WDCP: variants seen among roughly 807,000 people sequenced by gnomAD.
WDCP encodes WD repeat and coiled-coil-containing protein.
WDCP carries 19 observed loss-of-function variants against 41.6 expected under a neutral mutation model. The ratio of observed to expected loss-of-function variants is 0.46; its 90% CI spans 0.32 to 0.67. The LOEUF (loss-of-function observed/expected upper bound fraction) is 0.67, where lower values mean the gene tolerates loss of function less well. Ranked by LOEUF, WDCP falls within the 30% of genes least tolerant of loss-of-function variation. The pLI, the probability that WDCP is intolerant of heterozygous loss-of-function variation, is 0.04. For synonymous variants in WDCP, 302 were observed against 320.8 expected, an observed-to-expected ratio of 0.94 and a Z score of 0.63; for missense variants, 802 against 850.7, an observed-to-expected ratio of 0.94 and a Z score of 0.71.
intron 1 of WDCP, among the ~76,000 whole-genome samples, chr2:24,044,282 G>C (rs527258117): frequency 1.7e-4 from 26 of 151,734 alleles, no homozygotes; most frequent in African/African-American, 4.8e-4. Flanking sequence ...TTTTGGGGGG[G>C]GCGTGGGGGC....
chr2:24,037,104 T>A (rs908309715), intron 2 of WDCP, among the ~76,000 whole-genome samples: 1 of 152,246 alleles, frequency 6.6e-6, no homozygotes, highest in Non-Finnish European at 1.5e-5. Context: ...CTCGGCTCAC[T>A]GAAACCTGTG....
rs1006347885 is a variant in WDCP at position 24,038,602 on chromosome 2, T to C, written c.893A>G (p.Asn298Ser). The change falls in exon 2 of 4, where the codon AAT becomes AGT. Residue 298 changes from asparagine (N) to serine (S), a missense_variant. By Grantham distance (46) the Asn-to-Ser change is conservative. Around this residue, in one of 5 missense-constraint regions of WDCP, gnomAD observed 247 missense variants for 240.5 expected, o/e 1.03. Transcript: ENST00000295148. ...IHFNQHKSEG[N>S]SLICLRKKDY... Reference sequence around the variant, plus strand: ...CTTTTTTCTTAGACAAATAAGAGAATTACCCTCAGACTTATGTTGATTGAA... The same window carrying C: ...CTTTTTTCTTAGACAAATAAGAGAACTACCCTCAGACTTATGTTGATTGAA... The C allele has an allele frequency of 5.6e-6, 9 of 1,614,044 alleles. No homozygotes were observed. Among genetic ancestry groups the C allele is most frequent in the Non-Finnish European group, 6.8e-6 (8 of 1,179,946 alleles).
intron 1 of WDCP, among the ~76,000 whole-genome samples, chr2:24,045,341 C>T (rs756178195): frequency 1.3e-5 from 2 of 152,160 alleles, no homozygotes; most frequent in Admixed American, 1.3e-4. Context: ...GTGCCTCATG[C>T]CTGTAATCCC....
rs1391820318 is a variant in WDCP at position 24,036,684 on chromosome 2, G to A, written c.1818+993C>T. 2.0e-5 allele frequency among the ~76,000 whole-genome samples: 3 copies of A among 152,194 alleles called. No homozygotes were observed. The East Asian group carries it at 5.8e-4, about 29-fold the overall frequency. ...GCTAAAAACTAAAAACAAAGTGAAT[G>A]TCAATCAACAAGGGAATGGCTAAAT... On this transcript the variant is annotated intron_variant, in intron 2 of 3. Coordinates refer to ENST00000295148, the MANE Select transcript of WDCP (RefSeq NM_025203.3).
Position 24,039,408 on chromosome 2 carries a change from G to A in WDCP, c.87C>T (p.Thr29=), listed in dbSNP as rs146251104. The part of the protein sequence containing the change: ...AVHPIHGLAW[T]DGNQVVLTDL... The stretch of plus-strand genomic sequence containing the variant: ...CAGTTAGGACAACTTGATTCCCATC[G>A]GTCCAGGCAAGGCCATGGATCGGAT... The change falls in exon 2 of 4, where the codon ACC becomes ACT. Residue 29 remains threonine (T), a synonymous_variant. Coordinates refer to ENST00000295148, the MANE Select transcript of WDCP (RefSeq NM_025203.3). 4 of 1,614,254 alleles carry A rather than the reference G, an allele frequency of 2.5e-6. No homozygotes were observed. Among genetic ancestry groups the A allele is most frequent in the East Asian group, 2.2e-5 (1 of 44,896 alleles).
Position 24,037,877 on chromosome 2 carries a change from G to A in WDCP, c.1618C>T (p.Pro540Ser). The change falls in exon 2 of 4, where the codon CCT (proline) becomes TCT (serine). Residue 540 changes from proline to serine, a missense_variant. Physicochemically the swap from Pro to Ser is moderately conservative, Grantham distance 74. Coordinates refer to ENST00000295148, the MANE Select transcript of WDCP (RefSeq NM_025203.3). ...AAGTTCTTTCTTTGAGGCAAACGAG[G>A]AGGCTCCAGTGTGCTGGTGTGGTCT... ...TPDHTSTLEPPRLPQRKNLQS... is the reference protein window; with the variant it reads ...TPDHTSTLEPSRLPQRKNLQS... 6.2e-7 allele frequency: 1 copy of A among 1,614,156 alleles called. No homozygotes were observed. The highest frequency in any genetic ancestry group is 8.5e-7 in the Non-Finnish European group (1 of 1,180,036).
chr2:24,044,817 TA>T lies in WDCP; in HGVS notation c.-19+2496del, dbSNP rs747340836. ...ATGTGTTGTTGGGCAGAATTATCTTTAAAAAAAAAAAAAAAAAAAAAAAAGC... is the reference window on the plus strand; with the variant it reads ...ATGTGTTGTTGGGCAGAATTATCTTTAAAAAAAAAAAAAAAAAAAAAAAGC... On this transcript the variant is annotated intron_variant, in intron 1 of 3. Transcript: ENST00000295148. Among the ~76,000 whole-genome samples the T allele has an allele frequency of 0.012, 1,278 of 103,912 alleles. 31 individuals are homozygous for T. The East Asian group carries it at 0.16, about 13-fold the overall frequency. 68.2% of individuals were successfully genotyped at this position (103,912 alleles called of 152,430 possible).
chr2:24,037,494 A>G (rs909112346), intron 2 of WDCP, among the ~76,000 whole-genome samples, 183 bp downstream of exon 2: 19 of 152,234 alleles, frequency 1.2e-4, no homozygotes, highest in African/African-American at 4.6e-4. Flanking sequence ...ATGTGCGCCT[A>G]TCTGGTTGGC....
At chr2:24,044,418 C>A (rs1237722304) in intron 1 of WDCP, among the ~76,000 whole-genome samples, 1 of 152,066 alleles carries the variant, frequency 6.6e-6, no homozygotes, top group Non-Finnish European at 1.5e-5. Flanking sequence ...AGGGGCCCAC[C>A]ACCATGCCCA....
At chr2:24,040,805 T>C (rs781184601) in intron 1 of WDCP, among the ~76,000 whole-genome samples, 6 of 152,008 alleles carry the variant, frequency 3.9e-5, no homozygotes, top group Non-Finnish European at 8.8e-5. Context: ...TCACCTGAGG[T>C]TGGGAGTTCG....
Position 24,037,922 on chromosome 2 carries a change from G to A in WDCP, c.1573C>T (p.Pro525Ser), listed in dbSNP as rs1353387236. ...AEPVTQPASL[P>S]RHSSTPDHTS... ...TGGTCTGGTGTGCTGCTGTGTCTGGGCAGCGATGCTGGCTGGGTAACAGGC... is the reference window on the plus strand; with the variant it reads ...TGGTCTGGTGTGCTGCTGTGTCTGGACAGCGATGCTGGCTGGGTAACAGGC... Residue 525 changes from proline to serine, a missense_variant, in exon 2 of 4, where the codon CCC becomes TCC. Physicochemically the swap from Pro to Ser is moderately conservative, Grantham distance 74. This residue lies in a region of WDCP where 321 missense variants were observed against 305.1 expected (regional missense o/e 1.05). Coordinates refer to ENST00000295148, the MANE Select transcript of WDCP (RefSeq NM_025203.3). 2 of 1,614,138 alleles carry A rather than the reference G, an allele frequency of 1.2e-6. No homozygotes were observed. Among genetic ancestry groups the A allele is most frequent in the East Asian group, 2.2e-5 (1 of 44,886 alleles).
chr2:24,046,533 C>T (rs534941734), intron 1 of WDCP, among the ~76,000 whole-genome samples: 1 of 152,292 alleles, frequency 6.6e-6, no homozygotes, highest in South Asian at 2.1e-4. Flanking sequence ...CAGTATATAA[C>T]CATTTAATTC....
Position 24,038,849 on chromosome 2 carries a change from G to GT in WDCP, c.645dup (p.Gln216ThrfsTer7). 2 of 1,614,218 alleles carry GT rather than the reference G, an allele frequency of 1.2e-6. No homozygotes were observed. The highest frequency in any genetic ancestry group is 2.2e-5 in the South Asian group (2 of 91,088). Reference sequence around the variant, plus strand: ...GGAAGCTCAGTAGCTATAGCAACCTGTGAGTCCACAGTTGCTGTGATGGAG... The same window carrying GT: ...GGAAGCTCAGTAGCTATAGCAACCTGTTGAGTCCACAGTTGCTGTGATGGAG... On this transcript the variant is annotated frameshift_variant, in exon 2 of 4. Coordinates refer to ENST00000295148, the MANE Select transcript of WDCP (RefSeq NM_025203.3). LOFTEE classifies it high-confidence loss of function.
chr2:24,039,236 C>G lies in WDCP; in HGVS notation c.259G>C (p.Val87Leu). 1 of 1,614,144 alleles carries G rather than the reference C, an allele frequency of 6.2e-7. No homozygotes were observed. Among genetic ancestry groups the G allele is most frequent in the East Asian group, 2.2e-5 (1 of 44,902 alleles). ...ATAGGGCTGGGACACAGCTGCCACA[C>G]AGTGACATGCTTCTCATGCTGGACA... ...LAVQHEKHVT[V>L]WQLCPSPMES... is the part of the protein sequence containing the mutation. The change falls in exon 2 of 4, where the codon GTG becomes CTG. Residue 87 changes from valine (V) to leucine (L), a missense_variant. By Grantham distance (32) the Val-to-Leu change is conservative. Around this residue, in one of 5 missense-constraint regions of WDCP, gnomAD observed 214 missense variants for 252.9 expected, o/e 0.85. Coordinates refer to ENST00000295148, the MANE Select transcript of WDCP (RefSeq NM_025203.3).
At chr2:24,033,475 C>CTCA (rs1485329767) in intron 2 of WDCP, among the ~76,000 whole-genome samples, 2 of 152,158 alleles carry the variant, frequency 1.3e-5, no homozygotes, top group East Asian at 3.8e-4. Context: ...GGCACAGTGG[C>CTCA]TCACCCCTTA....
intron 1 of WDCP, among the ~76,000 whole-genome samples, chr2:24,046,862 C>T (rs1170797297): frequency 6.6e-6 from 1 of 152,156 alleles, no homozygotes; most frequent in Non-Finnish European, 1.5e-5. Context: ...TCACGGTTTT[C>T]ATCTAACATT....
At position 24,038,087 on chromosome 2, in the gene WDCP, C is replaced by G. The variant is rs1399830839; in HGVS notation, c.1408G>C (p.Asp470His). 2.5e-6 allele frequency: 4 copies of G among 1,614,126 alleles called. No individual in the cohort carries two copies. The highest frequency in any genetic ancestry group is 3.4e-6 in the Non-Finnish European group (4 of 1,180,022). Residue 470 changes from aspartate to histidine, a missense_variant, in exon 2 of 4, where the codon GAT becomes CAT. By Grantham distance (81) the Asp-to-His change is moderately conservative. This residue lies in a region of WDCP where 321 missense variants were observed against 305.1 expected (regional missense o/e 1.05). Coordinates refer to ENST00000295148, the MANE Select transcript of WDCP (RefSeq NM_025203.3). ...RKKLIESLSP[D>H]FCHQNKGLLL... ...AGCCCTTTGTTTTGGTGACAAAAATCTGGGGAAAGACTTTCAATTAACTTT... is the reference window on the plus strand; with the variant it reads ...AGCCCTTTGTTTTGGTGACAAAAATGTGGGGAAAGACTTTCAATTAACTTT...
chr2:24,036,349 A>G (rs1235390190), intron 2 of WDCP, among the ~76,000 whole-genome samples: 1 of 152,030 alleles, frequency 6.6e-6, no homozygotes, highest in African/African-American at 2.4e-5. Context: ...CTGCTAAAAA[A>G]AAAAAAAATT....
At position 24,039,188 on chromosome 2, in the gene WDCP, A is replaced by T. The variant is rs1334217609; in HGVS notation, c.307T>A (p.Ser103Thr). The T allele has an allele frequency of 1.2e-6, 2 of 1,614,190 alleles. No individual in the cohort carries two copies. The highest frequency in any genetic ancestry group is 4.5e-5 in the East Asian group (2 of 44,890). The change falls in exon 2 of 4, where the codon TCT (serine) becomes ACT (threonine). Residue 103 changes from serine to threonine, a missense_variant. By Grantham distance (58) the Ser-to-Thr change is moderately conservative. Transcript: ENST00000295148. Reference sequence around the variant, plus strand: ...GATCCTCTAATCTCACAAGTCTGAGACGTCAGCCATTTGCTTGACTCCATA... The same window carrying T: ...GATCCTCTAATCTCACAAGTCTGAGTCGTCAGCCATTTGCTTGACTCCATA... ...SPMESSKWLT[S>T]QTCEIRGSLP...
Sources: allele counts gnomAD v4.1 joint callset (sites outside exome capture counted in the v4.1 genomes callset), GRCh38; gene constraint gnomAD v4.1.1; regional missense constraint gnomAD v4.1.1; transcripts MANE v1.5; gene names NCBI Gene and HGNC (gene_info 2026-07-23, HGNC 2026-07-21).